Variants in KY observed in about 807,000 individuals in gnomAD.
KY encodes the protein kyphoscoliosis peptidase.
KY carries 43 observed loss-of-function variants against 76.1 expected under a neutral mutation model. That is an observed-to-expected ratio of 0.57 (90% CI 0.44 to 0.73). KY has a LOEUF of 0.73. Ranked by LOEUF, KY falls within the 30% of genes least tolerant of loss-of-function variation. KY has a pLI of 0.00. For synonymous variants in KY, 277 were observed against 326.2 expected (o/e 0.85, Z 1.63); for missense variants, 722 against 828.9 (o/e 0.87, Z 1.58).
intron 5 of KY, 140 bp from the exon 6 acceptor site, chr3:134,625,275 A>C (rs772879045): frequency 7.0e-6 from 5 of 714,712 alleles, no homozygotes; most frequent in Non-Finnish European, 9.7e-6. Flanking sequence ...TGAGCCTAAG[A>C]GCTATATGGG....
intron 10 of KY, among the ~76,000 whole-genome samples, chr3:134,604,741 C>T (rs1959133599): frequency 1.3e-5 from 2 of 152,168 alleles, no homozygotes; most frequent in South Asian, 4.1e-4. Flanking sequence ...AGCTAAGGGG[C>T]CTCTAGAAAA....
At chr3:134,639,424 G>C (rs988280048) in intron 3 of KY, among the ~76,000 whole-genome samples, 12 of 152,134 alleles carry the variant, frequency 7.9e-5, no homozygotes, top group African/African-American at 2.9e-4. Flanking sequence ...CATGATGAAG[G>C]GCATCACTGG....
rs372847809 is a variant in KY at position 134,608,636 on chromosome 3, G to C, written c.1090+13C>G. On this transcript the variant is annotated intron_variant, in intron 10 of 10. Transcript: ENST00000423778. ...TCCTGCTGCTAGCACACTGGCACCTGCTCCGGGCTCACCTGTTCTGATCAT... is the reference window on the plus strand; with the variant it reads ...TCCTGCTGCTAGCACACTGGCACCTCCTCCGGGCTCACCTGTTCTGATCAT... 2.2e-5 allele frequency: 35 copies of C among 1,613,884 alleles called. No homozygotes were observed. The highest frequency in any genetic ancestry group is 2.8e-5 in the Non-Finnish European group (33 of 1,179,888).
At chr3:134,604,553 C>T in intron 10 of KY, 79 bp from the exon 11 acceptor site, 1 of 1,294,626 alleles carries the variant, frequency 7.7e-7, no homozygotes, top group Admixed American at 2.2e-5. Flanking sequence ...CAACTGTCTC[C>T]CTGGGAGAAA....
At chr3:134,627,700 T>G in intron 5 of KY, 56 bp downstream of exon 5, 3 of 1,502,648 alleles carry the variant, frequency 2.0e-6, no homozygotes, top group Non-Finnish European at 2.8e-6. Flanking sequence ...GATTAGTCTA[T>G]GAGGCTAAAC....
chr3:134,636,089 T>A (rs1362925875), intron 3 of KY, among the ~76,000 whole-genome samples: 1 of 152,250 alleles, frequency 6.6e-6, no homozygotes, highest in African/African-American at 2.4e-5. Context: ...AACACTCAGA[T>A]ACATACATCT....
chr3:134,650,027 G>A (rs572873079), intron 1 of KY, among the ~76,000 whole-genome samples: 7 of 152,302 alleles, frequency 4.6e-5, no homozygotes, highest in African/African-American at 1.7e-4. Flanking sequence ...AGGACCCTGA[G>A]GTTCTCTGGC....
intron 2 of KY, 48 bp from the exon 3 acceptor site, chr3:134,643,426 C>A (rs1267078549): frequency 1.3e-6 from 2 of 1,542,138 alleles, no homozygotes; most frequent in Non-Finnish European, 1.8e-6. Context: ...GGGGAATTTT[C>A]CCCAGGCAGA....
chr3:134,607,507 C>T, intron 10 of KY: 1 of 985,686 alleles, frequency 1.0e-6, no homozygotes, highest in Non-Finnish European at 1.2e-6. Context: ...GACGGTGCCA[C>T]CAGGCAGTCC....
chr3:134,625,023 GC>G lies in KY; in HGVS notation c.483+29del. On this transcript the variant is annotated intron_variant, in intron 6 of 10. Transcript: ENST00000423778. Reference sequence around the variant, plus strand: ...TAGAACTCTAAGCCACCTTGAAGGGGCCCATGGTCAGAGCGGCCAGCTGTCC... The same window carrying G: ...TAGAACTCTAAGCCACCTTGAAGGGGCCATGGTCAGAGCGGCCAGCTGTCC... The G allele has an allele frequency of 1.9e-6, 3 of 1,560,532 alleles. No individual in the cohort carries two copies. The South Asian group carries it at 3.5e-5, about 18-fold the overall frequency.
chr3:134,615,349 CTTTTTTTTTT>C (rs35886668), intron 8 of KY: 3 of 96,156 alleles, frequency 3.1e-5, no homozygotes, highest in Non-Finnish European at 5.9e-5. Flanking sequence ...GTTCAAGAAG[CTTTTTTTTTT>C]TTTTTTTTTT....
At chr3:134,628,148 G>T (rs4245906) in intron 4 of KY, 315,658 of 320,154 alleles carry the variant, frequency 0.99, 155,768 homozygotes, top group East Asian at 1. Context: ...CTCTTTTGGA[G>T]TTTCCTGCTT....
chr3:134,606,685 T>A (rs1247147477), intron 10 of KY, among the ~76,000 whole-genome samples: 1 of 152,176 alleles, frequency 6.6e-6, no homozygotes, highest in Non-Finnish European at 1.5e-5. Flanking sequence ...CACGTCTTAG[T>A]GCCTGGTTGT....
At chr3:134,635,013 T>C (rs1964736020) in intron 3 of KY, among the ~76,000 whole-genome samples, 1 of 152,352 alleles carries the variant, frequency 6.6e-6, no homozygotes, top group East Asian at 1.9e-4. Context: ...ACAAAACATG[T>C]ACTTACCATA....
chr3:134,605,558 G>A (rs929527030), intron 10 of KY, among the ~76,000 whole-genome samples: 1 of 152,152 alleles, frequency 6.6e-6, no homozygotes, highest in Non-Finnish European at 1.5e-5. Flanking sequence ...AGCATGATGG[G>A]GAGGCTGCTT....
At chr3:134,646,293 T>C (rs1036071153) in intron 2 of KY, among the ~76,000 whole-genome samples, 2 of 152,088 alleles carry the variant, frequency 1.3e-5, no homozygotes, top group African/African-American at 2.4e-5. Context: ...ATTGCACCCA[T>C]GCATGCCTGT....
chr3:134,607,725 C>T (rs1222319681), intron 10 of KY: 2 of 985,720 alleles, frequency 2.0e-6, no homozygotes, highest in Non-Finnish European at 2.4e-6. Flanking sequence ...ACTCAGCTGC[C>T]ATGGCTCCGT....
At chr3:134,607,647 C>T in intron 10 of KY, 3 of 985,664 alleles carry the variant, frequency 3.0e-6, no homozygotes, top group Non-Finnish European at 3.6e-6. Flanking sequence ...CCAGAGAAGG[C>T]CCTGCTTTTT....
chr3:134,612,809 C>T (rs952037830), intron 8 of KY, among the ~76,000 whole-genome samples: 2 of 139,206 alleles, frequency 1.4e-5, no homozygotes, highest in Admixed American at 7.3e-5. Context: ...CCTGCATGCA[C>T]AGAGAAGGAG....
Sources: allele counts gnomAD v4.1 joint callset (sites outside exome capture counted in the v4.1 genomes callset), GRCh38; gene constraint gnomAD v4.1.1; transcripts MANE v1.5; gene names NCBI Gene and HGNC (gene_info 2026-07-23, HGNC 2026-07-21).